Variants in TMEM233 observed in about 807,000 individuals in gnomAD.
The protein encoded by TMEM233 is transmembrane protein 233.
A neutral mutation model predicts 11.2 loss-of-function variants in TMEM233; 6 were observed. That is an observed-to-expected ratio of 0.54 (90% CI 0.29 to 1.06). TMEM233 has a LOEUF of 1.06. Ranked by LOEUF, TMEM233 falls within the 50% of genes least tolerant of loss-of-function variation. The pLI is 0.08. For missense variants in TMEM233, 127 were observed against 144.7 expected (o/e 0.88, Z 0.63); for synonymous variants, 59 against 55.8 (o/e 1.06, Z -0.26).
At chr12:119,640,471 T>C (rs927827372) in intron 2 of TMEM233, among the ~76,000 whole-genome samples, 1 of 152,182 alleles carries the variant, frequency 6.6e-6, no homozygotes, top group African/African-American at 2.4e-5. Flanking sequence ...TTGCTTTTGT[T>C]TTTTTGCACG....
rs1221667812 is a variant in TMEM233, at chr12:119,624,969, T to A, written c.187-4767T>A. On this transcript the variant is annotated intron_variant, in intron 1 of 2. Coordinates refer to ENST00000426426, the MANE Select transcript of TMEM233 (RefSeq NM_001136534.3). ...TATTTTTTTTTTACTACCCAGGTGGTTCTAATGAACACCCAAGCTGGAGAA... is the reference window on the plus strand; with the variant it reads ...TATTTTTTTTTTACTACCCAGGTGGATCTAATGAACACCCAAGCTGGAGAA... 2.6e-5 allele frequency among the ~76,000 whole-genome samples: 4 copies of A among 152,142 alleles called. 1 individual carries two copies. In the East Asian group the frequency reaches 7.7e-4, roughly 29 times the overall value.
intron 1 of TMEM233, among the ~76,000 whole-genome samples, chr12:119,616,108 G>A (rs905395713): frequency 1.5e-4 from 23 of 152,194 alleles, no homozygotes; most frequent in African/African-American, 5.5e-4. Context: ...CTACAGGAGA[G>A]AGGACCTTGC....
intron 2 of TMEM233, among the ~76,000 whole-genome samples, chr12:119,639,461 G>GA (rs68174521): frequency 0.81 from 118,773 of 146,786 alleles, 48,121 homozygotes; most frequent in Middle Eastern, 0.85. Context: ...ACTAAAAATA[G>GA]AAAAAAAAAA....
intron 1 of TMEM233, among the ~76,000 whole-genome samples, chr12:119,625,357 A>C (rs1191642369): frequency 8.2e-6 from 1 of 122,376 alleles, no homozygotes; most frequent in Admixed American, 9.5e-5. Context: ...CCTTCTGTAC[A>C]TAACTTCTTC....
intron 1 of TMEM233, among the ~76,000 whole-genome samples, chr12:119,619,307 G>A (rs1300981616): frequency 6.6e-6 from 1 of 152,040 alleles, no homozygotes; most frequent in East Asian, 1.9e-4. Context: ...AAGAATGGAC[G>A]AATACAATGG....
chr12:119,629,865 A>G lies in TMEM233; in HGVS notation c.316A>G (p.Thr106Ala). Residue 106 changes from threonine (T) to alanine (A), a missense_variant, in exon 2 of 3, where the codon ACA becomes GCA. Physicochemically the swap from Thr to Ala is moderately conservative, Grantham distance 58. Transcript: ENST00000426426. ...IIGISCAVHF[T>A]RNA ...CGGCATTTCTTGTGCAGTTCACTTCACAAGGAAGTAAGTAGGCTTTTTGAA... is the reference window on the plus strand; with the variant it reads ...CGGCATTTCTTGTGCAGTTCACTTCGCAAGGAAGTAAGTAGGCTTTTTGAA... 1 of 1,549,888 alleles carries G rather than the reference A, an allele frequency of 6.5e-7. No homozygotes were observed. The highest frequency in any genetic ancestry group is 8.7e-7 in the Non-Finnish European group (1 of 1,146,454).
chr12:119,647,855 ATGAG>A (rs1358638617), downstream of TMEM233, among the ~76,000 whole-genome samples: 1 of 132,132 alleles, frequency 7.6e-6, no homozygotes, highest in Non-Finnish European at 1.5e-5. Context: ...ACTCCCACTT[ATGAG>A]TGAGAACATG....
intron 1 of TMEM233, among the ~76,000 whole-genome samples, chr12:119,622,030 G>A (rs528621311): frequency 6.0e-4 from 91 of 152,326 alleles, no homozygotes; most frequent in African/African-American, 2.1e-3. Context: ...AGGTAGTGAT[G>A]AAGTTGTCTT....
chr12:119,612,481 G>C (rs547665128), intron 1 of TMEM233, among the ~76,000 whole-genome samples: 2 of 152,124 alleles, frequency 1.3e-5, no homozygotes, highest in Non-Finnish European at 2.9e-5. Context: ...GGGCGAAGTG[G>C]TTCATGCCTA....
At chr12:119,619,289 A>G (rs1388463533) in intron 1 of TMEM233, among the ~76,000 whole-genome samples, 2 of 152,188 alleles carry the variant, frequency 1.3e-5, no homozygotes, top group Non-Finnish European at 2.9e-5. Context: ...TGTCTTTATT[A>G]GCAGCATAAG....
intron 1 of TMEM233, among the ~76,000 whole-genome samples, chr12:119,613,752 C>T (rs536290146): frequency 5.3e-5 from 8 of 152,200 alleles, no homozygotes; most frequent in Middle Eastern, 3.4e-3. Flanking sequence ...GAGTTTGAGG[C>T]TGCACTGAGC....
chr12:119,616,509 G>T (rs1954537472), intron 1 of TMEM233, among the ~76,000 whole-genome samples: 1 of 152,190 alleles, frequency 6.6e-6, no homozygotes, highest in South Asian at 2.1e-4. Context: ...GCTTAGAAAA[G>T]AACTCAACAA....
chr12:119,631,730 C>G (rs1954890795), intron 2 of TMEM233: 1 of 891,778 alleles, frequency 1.1e-6, no homozygotes, highest in Non-Finnish European at 1.3e-6. Context: ...CCAGTCACCA[C>G]TTATTCACTG....
Position 119,640,717 on chromosome 12 carries a change from T to C in TMEM233, c.*12T>C. ...CACACAGTGCCTGAGGAACCAGCGGTCAGTGGGCTGTGAGCGTGGAGGATG... is the reference window on the plus strand; with the variant it reads ...CACACAGTGCCTGAGGAACCAGCGGCCAGTGGGCTGTGAGCGTGGAGGATG... On this transcript the variant is annotated 3_prime_UTR_variant, in exon 3 of 3. Coordinates refer to ENST00000426426, the MANE Select transcript of TMEM233 (RefSeq NM_001136534.3). 1 of 1,550,838 alleles carries C rather than the reference T, an allele frequency of 6.4e-7. No individual in the cohort carries two copies. The highest frequency in any genetic ancestry group is 2.0e-5 in the Admixed American group (1 of 50,972).
At chr12:119,635,276 T>C (rs888973198) in intron 2 of TMEM233, among the ~76,000 whole-genome samples, 1 of 152,174 alleles carries the variant, frequency 6.6e-6, no homozygotes, top group African/African-American at 2.4e-5. Flanking sequence ...GACAGATTCA[T>C]CTGGGATGTT....
the TMEM233 span, among the ~76,000 whole-genome samples, chr12:119,654,029 C>A: frequency 1.4e-5 from 2 of 147,806 alleles, no homozygotes; most frequent in Non-Finnish European, 3.0e-5. Context: ...CACACCTAGG[C>A]AAATTACTGG....
chr12:119,612,447 T>C (rs1343073315), intron 1 of TMEM233, among the ~76,000 whole-genome samples: 1 of 152,058 alleles, frequency 6.6e-6, no homozygotes, highest in Non-Finnish European at 1.5e-5. Flanking sequence ...AAACCCCGTC[T>C]TCAAAAAATA....
chr12:119,650,552 A>C, the TMEM233 span, among the ~76,000 whole-genome samples: 1 of 152,260 alleles, frequency 6.6e-6, no homozygotes, highest in African/African-American at 2.4e-5. Flanking sequence ...AACTTGACAT[A>C]AATTTCTGTG....
At chr12:119,628,922 C>G (rs1431912784) in intron 1 of TMEM233, among the ~76,000 whole-genome samples, 1 of 152,232 alleles carries the variant, frequency 6.6e-6, no homozygotes, top group Non-Finnish European at 1.5e-5. Context: ...CAGTAGTAAA[C>G]AAATGAGTGT....
Sources: gnomAD v4.1 joint callset for allele counts (sites outside exome capture counted in the v4.1 genomes callset) on GRCh38, gnomAD v4.1.1 for gene constraint, MANE v1.5 for transcripts, NCBI Gene and HGNC (gene_info 2026-07-23, HGNC 2026-07-21) for gene names.